PARD6B: variants seen among roughly 807,000 people sequenced by gnomAD.
PARD6B encodes the protein par-6 family cell polarity regulator beta, also known as partitioning defective 6 homolog beta.
In PARD6B, 4 loss-of-function variants were observed where a neutral mutation model predicts 10.5. That is an observed-to-expected ratio of 0.38 (90% CI 0.19 to 0.87). The LOEUF (loss-of-function observed/expected upper bound fraction) is 0.87. PARD6B is among the 40% of genes least tolerant of loss of function. PARD6B has a pLI of 0.41. For synonymous variants in PARD6B, 169 were observed against 170.4 expected (o/e 0.99, Z 0.07); for missense variants, 396 against 470.6 (o/e 0.84, Z 1.47).
chr20:50,738,727 T>TA (rs1312731014), intron 2 of PARD6B, among the ~76,000 whole-genome samples: 1 of 152,204 alleles, frequency 6.6e-6, no homozygotes, highest in Non-Finnish European at 1.5e-5. Flanking sequence ...GGTGGGAAGT[T>TA]ACTATTGTGG....
At position 50,750,270 on chromosome 20, in the gene PARD6B, A is replaced by G. The variant is rs1369747014; in HGVS notation, c.901A>G (p.Asn301Asp). Residue 301 changes from asparagine (N) to aspartate (D), a missense_variant, in exon 3 of 3, where the codon AAT becomes GAT. Physicochemically the swap from Asn to Asp is conservative, Grantham distance 23 (BLOSUM62 1). Transcript: ENST00000371610. ...SEEDDIIIED[N>D]GVPQQIPKAV... ...AGAAGATGACATTATCATTGAAGACAATGGAGTGCCACAGCAGATTCCAAA... is the reference window on the plus strand; with the variant it reads ...AGAAGATGACATTATCATTGAAGACGATGGAGTGCCACAGCAGATTCCAAA... The G allele has an allele frequency of 1.2e-6, 2 of 1,614,112 alleles. No homozygotes were observed. Among genetic ancestry groups the G allele is most frequent in the East Asian group, 2.2e-5 (1 of 44,900 alleles).
chr20:50,741,223 T>C (rs145843975), intron 2 of PARD6B, among the ~76,000 whole-genome samples: 16 of 152,114 alleles, frequency 1.1e-4, no homozygotes, highest in Non-Finnish European at 2.1e-4. Context: ...GGCCTCGAAG[T>C]GTTCTGGGAT....
chr20:50,745,808 C>T (rs1197401554), intron 2 of PARD6B, among the ~76,000 whole-genome samples: 1 of 152,184 alleles, frequency 6.6e-6, no homozygotes, highest in East Asian at 1.9e-4. Context: ...TGCCTGGCCA[C>T]ATAATATTTT....
chr20:50,732,631 T>A (rs575276663), intron 1 of PARD6B, among the ~76,000 whole-genome samples: 1 of 152,284 alleles, frequency 6.6e-6, no homozygotes, highest in South Asian at 2.1e-4. Flanking sequence ...AATTTGAAGG[T>A]GATCGGCAGC....
chr20:50,737,010 G>A (rs941780786), intron 1 of PARD6B, among the ~76,000 whole-genome samples: 3 of 152,068 alleles, frequency 2.0e-5, no homozygotes, highest in African/African-American at 7.2e-5. Context: ...AGTTCTTAGT[G>A]TTGAATAAGA....
chr20:50,747,421 G>T (rs1363883042), intron 2 of PARD6B, among the ~76,000 whole-genome samples: 1 of 124,454 alleles, frequency 8.0e-6, no homozygotes, highest in East Asian at 2.4e-4. Flanking sequence ...ACTATTTTGT[G>T]GAGGAGGAGG....
chr20:50,745,638 T>G (rs2087563768), intron 2 of PARD6B, among the ~76,000 whole-genome samples: 1 of 152,162 alleles, frequency 6.6e-6, no homozygotes, highest in Non-Finnish European at 1.5e-5. Flanking sequence ...TAGCTTGGAC[T>G]ACAGGCACAA....
At chr20:50,739,875 GGGGAGGGGAGA>G (rs2087521169) in intron 2 of PARD6B, among the ~76,000 whole-genome samples, 1 of 24,050 alleles carries the variant, frequency 4.2e-5, no homozygotes, top group Non-Finnish European at 8.0e-5. Context: ...GGAAGGGTGG[GGGGAGGGGAGA>G]AGGCAGTGGC....
chr20:50,736,706 T>C (rs1338273524), intron 1 of PARD6B, among the ~76,000 whole-genome samples: 1 of 151,820 alleles, frequency 6.6e-6, no homozygotes, highest in Non-Finnish European at 1.5e-5. Context: ...TTTTTTTTTT[T>C]TTTTTCTTTT....
intron 2 of PARD6B, among the ~76,000 whole-genome samples, chr20:50,746,801 C>T (rs2087569885): frequency 1.3e-5 from 2 of 152,188 alleles, no homozygotes; most frequent in Non-Finnish European, 2.9e-5. Flanking sequence ...TAATACTGTT[C>T]TCAGTTTATA....
chr20:50,744,632 ACTCCCTCC>A (rs371678670), intron 2 of PARD6B, among the ~76,000 whole-genome samples: 2 of 143,632 alleles, frequency 1.4e-5, no homozygotes, highest in Admixed American at 7.0e-5. Flanking sequence ...TCAGCTCCTG[ACTCCCTCC>A]CTCCCTCCCT....
At chr20:50,734,781 A>G (rs1241399242) in intron 1 of PARD6B, among the ~76,000 whole-genome samples, 1 of 152,024 alleles carries the variant, frequency 6.6e-6, no homozygotes, top group African/African-American at 2.4e-5. Context: ...TAGGCCTCCC[A>G]AAGTGTTTGG....
chr20:50,743,888 CAAAA>C (rs1216305315), intron 2 of PARD6B, among the ~76,000 whole-genome samples: 4 of 56,178 alleles, frequency 7.1e-5, no homozygotes, highest in Admixed American at 2.1e-4. Context: ...GACTCCGTCT[CAAAA>C]AAAAAAAAAA....
intron 2 of PARD6B, among the ~76,000 whole-genome samples, chr20:50,741,435 C>T (rs1374795086): frequency 6.6e-6 from 1 of 152,150 alleles, no homozygotes; most frequent in Non-Finnish European, 1.5e-5. Flanking sequence ...ACATCATCCT[C>T]TGAAGACCTG....
chr20:50,742,565 G>A (rs937747559), intron 2 of PARD6B, among the ~76,000 whole-genome samples: 3 of 146,832 alleles, frequency 2.0e-5, no homozygotes, highest in African/African-American at 7.6e-5. Flanking sequence ...ACGGTTTCAC[G>A]ACGTTAGCCA....
rs2087605579 is a variant in PARD6B at position 50,751,080 on chromosome 20, C to T, written c.*592C>T. ...AATCCCCTGGGCTCAAGCAGTCCTCCCACCTCAGCCTCCTGAGTAGCTGGG... is the reference window on the plus strand; with the variant it reads ...AATCCCCTGGGCTCAAGCAGTCCTCTCACCTCAGCCTCCTGAGTAGCTGGG... On this transcript the variant is annotated 3_prime_UTR_variant, in exon 3 of 3. Transcript: ENST00000371610. The T allele has an allele frequency of 8.3e-6, 4 of 483,702 alleles. No individual in the cohort carries two copies. Among genetic ancestry groups the T allele is most frequent in the Non-Finnish European group, 1.1e-5 (4 of 373,714 alleles). 30.0% of individuals were successfully genotyped at this position (483,702 alleles called of 1,614,324 possible). A position where few individuals can be genotyped will look rare whatever the true frequency, so the allele number is the denominator to read the frequency against.
At chr20:50,736,723 C>T (rs1037301336) in intron 1 of PARD6B, among the ~76,000 whole-genome samples, 2 of 145,504 alleles carry the variant, frequency 1.4e-5, no homozygotes, top group Non-Finnish European at 3.0e-5. Context: ...TTTTTTGAGA[C>T]GGAGTCTTGC....
At position 50,731,720 on chromosome 20, in the gene PARD6B, A is replaced by C. The variant is rs2087471661; in HGVS notation, c.-67A>C. The C allele has an allele frequency of 3.7e-6, 5 of 1,346,244 alleles. No homozygotes were observed. The highest frequency in any genetic ancestry group is 3.8e-6 in the Non-Finnish European group (4 of 1,042,650). The allele number at this position is 1,346,244 out of a possible 1,614,324, so 83.4% of individuals were successfully genotyped here. ...CGCTTTCCGAGATCCCCAGTCGCGC[A>C]CTCGCTCCCCGCGCTCCTGAGGGGC... On this transcript the variant is annotated 5_prime_UTR_variant, in exon 1 of 3. Transcript: ENST00000371610.
At chr20:50,736,701 T>G (rs1051700052) in intron 1 of PARD6B, among the ~76,000 whole-genome samples, 5 of 152,004 alleles carry the variant, frequency 3.3e-5, no homozygotes, top group South Asian at 2.1e-4. Flanking sequence ...TTTGGTTTTT[T>G]TTTTTTTTTT....
Sources: gnomAD v4.1 joint callset for allele counts (sites outside exome capture counted in the v4.1 genomes callset) on GRCh38, gnomAD v4.1.1 for gene constraint, MANE v1.5 for transcripts, NCBI Gene and HGNC (gene_info 2026-07-23, HGNC 2026-07-21) for gene names.